The following PBX3 variants were observed in gnomAD, a reference collection of about 807,000 sequenced individuals.
PBX3 encodes the protein pre-B-cell leukemia transcription factor 3.
Under a neutral mutation model 48.5 loss-of-function variants are expected in PBX3, and 14 were observed. The ratio of observed to expected loss-of-function variants is 0.29; its 90% CI spans 0.19 to 0.45. The LOEUF is 0.45. Ranked by LOEUF, PBX3 falls within the 20% of genes least tolerant of loss-of-function variation. The probability of loss-of-function intolerance (pLI) is 1.00; values close to 1 mark genes in which losing one functional copy is unlikely to be tolerated. For synonymous variants in PBX3, 210 were observed against 200.3 expected, an observed-to-expected ratio of 1.05 and a Z score of -0.41; for missense variants, 386 against 546.7, an observed-to-expected ratio of 0.71 and a Z score of 2.93.
intron 2 of PBX3, among the ~76,000 whole-genome samples, chr9:125,840,457 T>C (rs1387143672): frequency 1.3e-5 from 2 of 151,258 alleles, no homozygotes; most frequent in Admixed American, 6.6e-5. Context: ...GCTTGGCTTT[T>C]ATATTATTAC....
At chr9:125,806,536 C>T (rs536696494) in intron 2 of PBX3, among the ~76,000 whole-genome samples, 1 of 152,262 alleles carries the variant, frequency 6.6e-6, no homozygotes, top group South Asian at 2.1e-4. Flanking sequence ...GCCTAGCTTG[C>T]TTTCTGCAGG....
chr9:125,869,784 G>A (rs1005183040), intron 2 of PBX3, among the ~76,000 whole-genome samples: 22 of 152,100 alleles, frequency 1.4e-4, no homozygotes, highest in African/African-American at 5.1e-4. Flanking sequence ...AAAACCCTCA[G>A]AAGGAATGTC....
chr9:125,754,319 C>T (rs193244924), intron 2 of PBX3, among the ~76,000 whole-genome samples: 6 of 152,214 alleles, frequency 3.9e-5, no homozygotes, highest in Admixed American at 3.3e-4. Flanking sequence ...CCACCTCCCC[C>T]TCAAGCCCGT....
intron 5 of PBX3, among the ~76,000 whole-genome samples, chr9:125,939,632 A>G (rs1404641501): frequency 6.6e-6 from 1 of 152,200 alleles, no homozygotes; most frequent in African/African-American, 2.4e-5. Flanking sequence ...GAACATTCAT[A>G]GTAACATTGT....
intron 2 of PBX3, chr9:125,843,858 G>A (rs1307261209): frequency 6.6e-6 from 3 of 455,420 alleles, no homozygotes; most frequent in South Asian, 3.1e-5. Context: ...GGCAATTACA[G>A]CTTAATGGGG....
At chr9:125,905,316 A>C (rs1416292824) in intron 2 of PBX3, among the ~76,000 whole-genome samples, 1 of 151,996 alleles carries the variant, frequency 6.6e-6, no homozygotes, top group East Asian at 1.9e-4. Flanking sequence ...CATCCTCCTA[A>C]CTGGAAAACT....
At chr9:125,918,410 AT>A (rs1841381683) in intron 3 of PBX3, among the ~76,000 whole-genome samples, 1 of 152,202 alleles carries the variant, frequency 6.6e-6, no homozygotes, top group Non-Finnish European at 1.5e-5. Context: ...CTTTTAAAAT[AT>A]ACATGTATAT....
chr9:125,912,365 G>A (rs1406862935), intron 2 of PBX3, among the ~76,000 whole-genome samples: 1 of 152,034 alleles, frequency 6.6e-6, no homozygotes. Flanking sequence ...GCGTTTATTC[G>A]GAGAAAGCTT....
At chr9:125,860,352 G>T (rs1055391123) in intron 2 of PBX3, among the ~76,000 whole-genome samples, 1 of 152,204 alleles carries the variant, frequency 6.6e-6, no homozygotes, top group African/African-American at 2.4e-5. Flanking sequence ...TATGAACTTA[G>T]CATGTGCCCA....
intron 2 of PBX3, among the ~76,000 whole-genome samples, chr9:125,899,259 TTATATATAAATATACA>T (rs1840857431): frequency 8.0e-6 from 1 of 124,518 alleles, no homozygotes; most frequent in Admixed American, 9.4e-5. Flanking sequence ...GTATATATAT[TTATATATAAATATACA>T]TATGTATATA....
At chr9:125,760,066 C>T (rs1836623327) in intron 2 of PBX3, among the ~76,000 whole-genome samples, 2 of 152,208 alleles carry the variant, frequency 1.3e-5, no homozygotes, top group Admixed American at 1.3e-4. Flanking sequence ...TTATTTAACT[C>T]TGCAACTCTT....
chr9:125,749,819 C>G (rs1043011795), intron 2 of PBX3, among the ~76,000 whole-genome samples: 2 of 152,084 alleles, frequency 1.3e-5, no homozygotes, highest in Non-Finnish European at 2.9e-5. Context: ...TAAAAGTAAT[C>G]AAGAAAAGAT....
At chr9:125,866,698 TCCTTTGTTCTA>T (rs1839990357) in intron 2 of PBX3, among the ~76,000 whole-genome samples, 1 of 152,240 alleles carries the variant, frequency 6.6e-6, no homozygotes, top group Non-Finnish European at 1.5e-5. Flanking sequence ...AACAGGGCTA[TCCTTTGTTCTA>T]AAATGGCAGA....
Position 125,781,535 on chromosome 9 carries a change from AGGGAGAG to A in PBX3, c.274+32935_274+32941del, listed in dbSNP as rs1169626264. 8.5e-3 allele frequency among the ~76,000 whole-genome samples: 605 copies of A among 70,798 alleles called. 5 individuals carry two copies. The highest frequency in any genetic ancestry group is 0.028 in the African/African-American group (507 of 17,874). 46.4% of individuals were successfully genotyped at this position (70,798 alleles called of 152,430 possible). ...GAAAGAGAGGGAGAGGGTGACCGAG[AGGGAGAG>A]GGGAGAGGGGAGAGGGGAGAGGCGA... is the stretch of plus-strand genomic sequence containing the variant. On this transcript the variant is annotated intron_variant, in intron 2 of 8. Transcript: ENST00000373489.
intron 2 of PBX3, among the ~76,000 whole-genome samples, chr9:125,790,410 G>C (rs944218546): frequency 6.6e-6 from 1 of 151,708 alleles, no homozygotes; most frequent in Non-Finnish European, 1.5e-5. Flanking sequence ...GCACCACCAC[G>C]CCTGGCTAAT....
intron 5 of PBX3, chr9:125,949,491 G>A (rs1842142165): frequency 6.5e-7 from 1 of 1,549,916 alleles, no homozygotes; most frequent in Non-Finnish European, 8.7e-7. Flanking sequence ...GGGCATGAGG[G>A]TGTGTCTGTT....
At chr9:125,815,252 A>G (rs1268411633) in intron 2 of PBX3, among the ~76,000 whole-genome samples, 1 of 152,218 alleles carries the variant, frequency 6.6e-6, no homozygotes, top group Non-Finnish European at 1.5e-5. Flanking sequence ...GTTGAAAAAA[A>G]TGTTGTAACC....
chr9:125,893,742 A>G (rs936923250), intron 2 of PBX3, among the ~76,000 whole-genome samples: 2 of 152,194 alleles, frequency 1.3e-5, no homozygotes, highest in South Asian at 4.1e-4. Flanking sequence ...TTTTCAGAAT[A>G]AGCCTGAAAA....
intron 4 of PBX3, among the ~76,000 whole-genome samples, chr9:125,934,015 G>A (rs1314279239): frequency 6.6e-6 from 1 of 151,956 alleles, no homozygotes; most frequent in Admixed American, 6.6e-5. Context: ...TCTTCGTTCC[G>A]TTCCTTCCCT....
Sources: gnomAD v4.1 joint callset for allele counts (sites outside exome capture counted in the v4.1 genomes callset) on GRCh38, gnomAD v4.1.1 for gene constraint, MANE v1.5 for transcripts, NCBI Gene and HGNC (gene_info 2026-07-23, HGNC 2026-07-21) for gene names.